LRRC63: variants seen among roughly 807,000 people sequenced by gnomAD.
The protein encoded by LRRC63 is leucine rich repeat containing 63, also known as leucine-rich repeat-containing protein 63.
LRRC63 carries 40 observed loss-of-function variants against 49.5 expected under a neutral mutation model. The observed-to-expected ratio is 0.81, with a 90% CI of 0.63 to 1.05. The LOEUF is 1.05. LRRC63 is among the 50% of genes least tolerant of loss of function. The pLI is 0.00. For synonymous variants in LRRC63, 191 were observed against 221.1 expected (o/e 0.86, Z 1.21); for missense variants, 636 against 663.1 (o/e 0.96, Z 0.45).
chr13:46,267,044 A>C, intron 9 of LRRC63, 72 bp downstream of exon 9: 2 of 1,377,078 alleles, frequency 1.5e-6, no homozygotes, highest in East Asian at 2.5e-5. Context: ...TTACAGGCTT[A>C]GATGACAGTG....
chr13:46,249,110 C>T (rs1021138234), intron 6 of LRRC63, among the ~76,000 whole-genome samples: 1 of 151,512 alleles, frequency 6.6e-6, no homozygotes, highest in Non-Finnish European at 1.5e-5. Flanking sequence ...GAAAACACAA[C>T]ATACCAAAAT....
intron 5 of LRRC63, among the ~76,000 whole-genome samples, chr13:46,244,380 T>C (rs1442039736): frequency 6.6e-6 from 1 of 152,110 alleles, no homozygotes; most frequent in Non-Finnish European, 1.5e-5. Context: ...AAGAAGTCAC[T>C]TTTTTAACAA....
intron 5 of LRRC63, among the ~76,000 whole-genome samples, chr13:46,235,462 T>G (rs1164463648): frequency 6.6e-6 from 1 of 152,082 alleles, no homozygotes; most frequent in Non-Finnish European, 1.5e-5. Flanking sequence ...CTGGAAGATT[T>G]CAATAGTAGA....
At chr13:46,215,966 A>G (rs938462946) in intron 2 of LRRC63, among the ~76,000 whole-genome samples, 2 of 152,044 alleles carry the variant, frequency 1.3e-5, no homozygotes, top group Non-Finnish European at 2.9e-5. Context: ...GTTCTGCTCC[A>G]TTGGTCTCTA....
At chr13:46,223,239 A>C (rs538891343) in intron 2 of LRRC63, among the ~76,000 whole-genome samples, 1 of 152,080 alleles carries the variant, frequency 6.6e-6, no homozygotes, top group African/African-American at 2.4e-5. Flanking sequence ...AAAGAAAAAA[A>C]ATATAAAAAG....
intron 2 of LRRC63, 73 bp downstream of exon 2, chr13:46,213,192 C>A: frequency 1.0e-6 from 1 of 976,182 alleles, no homozygotes; most frequent in South Asian, 1.6e-5. Context: ...TTGCACAGCT[C>A]AGAATCACAA....
intron 9 of LRRC63, among the ~76,000 whole-genome samples, chr13:46,268,719 T>A (rs527832540): frequency 2.6e-5 from 4 of 151,552 alleles, no homozygotes; most frequent in Admixed American, 2.6e-4. Context: ...TTGCAAAGGA[T>A]GTACATCAAA....
chr13:46,223,723 G>A (rs1314986613), intron 2 of LRRC63, among the ~76,000 whole-genome samples: 1 of 152,086 alleles, frequency 6.6e-6, no homozygotes, highest in African/African-American at 2.4e-5. Flanking sequence ...GGGCATGGTG[G>A]TGTGGGCCTG....
At chr13:46,242,075 C>A (rs12372815) in intron 5 of LRRC63, among the ~76,000 whole-genome samples, 2 of 151,990 alleles carry the variant, frequency 1.3e-5, no homozygotes, top group African/African-American at 4.8e-5. Flanking sequence ...AAATGCACAT[C>A]GATGATAGAC....
chr13:46,269,030 G>A (rs1193370815), intron 9 of LRRC63, among the ~76,000 whole-genome samples: 5 of 152,050 alleles, frequency 3.3e-5, no homozygotes, highest in African/African-American at 9.7e-5. Context: ...GAAATAAATG[G>A]AAGAGTTATA....
At chr13:46,270,335 TGGG>T (rs757263059) in intron 9 of LRRC63, 5 of 859,838 alleles carry the variant, frequency 5.8e-6, no homozygotes, top group Non-Finnish European at 1.0e-5. Context: ...GAAATTTAAG[TGGG>T]GGGCACAGTT....
At chr13:46,240,319 G>T (rs1468635517) in intron 5 of LRRC63, among the ~76,000 whole-genome samples, 2 of 151,840 alleles carry the variant, frequency 1.3e-5, no homozygotes, top group African/African-American at 2.4e-5. Flanking sequence ...AGTAGAGACA[G>T]GGTTTCACTG....
rs140439549 is a variant in LRRC63 at position 46,213,359 on chromosome 13, A to G, written c.85+240A>G. ...CTTGTAACCCCAGAATTGGTACTCA[A>G]AGGGCTTTCTCAGTCATGCGTGGAT... On this transcript the variant is annotated intron_variant, in intron 2 of 9. Transcript: ENST00000595396. 5.4e-4 allele frequency among the ~76,000 whole-genome samples: 83 copies of G among 152,342 alleles called. 3 individuals carry two copies. The East Asian group carries it at 0.015, about 28-fold the overall frequency.
chr13:46,223,485 T>C, intron 2 of LRRC63, among the ~76,000 whole-genome samples: 1 of 133,866 alleles, frequency 7.5e-6, no homozygotes, highest in East Asian at 2.1e-4. Context: ...GTTTTTTTTG[T>C]TTTTTTTTTT....
intron 4 of LRRC63, among the ~76,000 whole-genome samples, chr13:46,230,396 A>C (rs559730918): frequency 3.9e-5 from 6 of 152,218 alleles, no homozygotes; most frequent in African/African-American, 1.4e-4. Context: ...ATCACAAGGT[A>C]AAGTCCCATG....
intron 7 of LRRC63, among the ~76,000 whole-genome samples, chr13:46,251,218 T>C (rs2047371103): frequency 6.6e-6 from 1 of 151,814 alleles, no homozygotes; most frequent in South Asian, 2.1e-4. Context: ...GCATCCAAAT[T>C]CATTTATAAA....
chr13:46,249,137 A>G (rs1034336043), intron 6 of LRRC63, among the ~76,000 whole-genome samples: 1 of 151,846 alleles, frequency 6.6e-6, no homozygotes, highest in Non-Finnish European at 1.5e-5. Context: ...GATGCATTAC[A>G]GAGTACTCAG....
chr13:46,259,948 T>C (rs575913751), intron 7 of LRRC63, among the ~76,000 whole-genome samples: 1 of 152,322 alleles, frequency 6.6e-6, no homozygotes, highest in East Asian at 1.9e-4. Flanking sequence ...AATTTGCTAA[T>C]AAATCAAGCA....
chr13:46,214,722 T>A (rs2046197314), intron 2 of LRRC63, among the ~76,000 whole-genome samples: 1 of 151,966 alleles, frequency 6.6e-6, no homozygotes, highest in Non-Finnish European at 1.5e-5. Flanking sequence ...CCATGGTGAT[T>A]TGCTGCACCT....
Sources: allele counts gnomAD v4.1 joint callset (sites outside exome capture counted in the v4.1 genomes callset), GRCh38; gene constraint gnomAD v4.1.1; transcripts MANE v1.5; gene names NCBI Gene and HGNC (gene_info 2026-07-23, HGNC 2026-07-21).